SORCS1: variants seen among roughly 807,000 people sequenced by gnomAD.
SORCS1 encodes VPS10 domain-containing receptor SorCS1.
SORCS1 carries 60 observed loss-of-function variants against 146.1 expected under a neutral mutation model. The observed-to-expected ratio is 0.41, with a 90% CI of 0.33 to 0.51. The LOEUF is 0.51. SORCS1 is among the 20% of genes least tolerant of loss of function. The probability of loss-of-function intolerance (pLI) is 0.21; values close to 1 mark genes in which losing one functional copy is unlikely to be tolerated. For synonymous variants in SORCS1, 637 were observed against 584.0 expected (o/e 1.09, Z -1.31); for missense variants, 1,352 against 1,487.6 (o/e 0.91, Z 1.50).
intron 4 of SORCS1, among the ~76,000 whole-genome samples, chr10:106,762,780 A>G (rs746187932): frequency 2.6e-5 from 4 of 152,024 alleles, no homozygotes; most frequent in Non-Finnish European, 5.9e-5. Context: ...ATGAGTGCCA[A>G]GGAGAGATGG....
chr10:106,672,346 A>G (rs956161296), intron 15 of SORCS1, among the ~76,000 whole-genome samples: 8 of 152,172 alleles, frequency 5.3e-5, no homozygotes, highest in African/African-American at 1.9e-4. Context: ...GGACAAATGA[A>G]AGTTTCCTAT....
intron 2 of SORCS1, among the ~76,000 whole-genome samples, chr10:106,866,772 A>G (rs1056010423): frequency 6.6e-6 from 1 of 152,246 alleles, no homozygotes. Flanking sequence ...CCCACTTGCT[A>G]AAAGAAGTCA....
chr10:106,792,079 G>T (rs1294370164), intron 3 of SORCS1, among the ~76,000 whole-genome samples: 1 of 152,038 alleles, frequency 6.6e-6, no homozygotes, highest in Non-Finnish European at 1.5e-5. Context: ...CTGTTTATAA[G>T]TCTGCTTATG....
chr10:106,919,549 C>G (rs1482670411), intron 2 of SORCS1, among the ~76,000 whole-genome samples: 3 of 152,108 alleles, frequency 2.0e-5, no homozygotes, highest in Admixed American at 2.0e-4. Context: ...TGGCTGGATT[C>G]TGATAGGTGT....
intron 2 of SORCS1, among the ~76,000 whole-genome samples, chr10:106,882,326 A>T (rs7098857): frequency 0.53 from 79,872 of 151,866 alleles, 22,401 homozygotes; most frequent in African/African-American, 0.74. Flanking sequence ...GAAAGTTTAT[A>T]GATTTGTGTT....
At chr10:106,698,654 G>A (rs1209483787) in intron 9 of SORCS1, among the ~76,000 whole-genome samples, 1 of 152,184 alleles carries the variant, frequency 6.6e-6, no homozygotes, top group African/African-American at 2.4e-5. Context: ...TCTTGATGTT[G>A]TAGTTGTTTA....
At chr10:106,824,247 T>G (rs887989754) in intron 3 of SORCS1, among the ~76,000 whole-genome samples, 3 of 150,372 alleles carry the variant, frequency 2.0e-5, no homozygotes, top group Non-Finnish European at 3.0e-5. Context: ...GAGGTTGCGG[T>G]TGTGCCACTG....
At chr10:106,716,743 G>C (rs144395308) in intron 6 of SORCS1, among the ~76,000 whole-genome samples, 68 of 152,268 alleles carry the variant, frequency 4.5e-4, no homozygotes, top group African/African-American at 1.6e-3. Flanking sequence ...ATTGATAACA[G>C]CAGCAGCAGC....
At chr10:106,668,229 T>C (rs1035223760) in intron 16 of SORCS1, among the ~76,000 whole-genome samples, 21 of 152,328 alleles carry the variant, frequency 1.4e-4, no homozygotes, top group African/African-American at 5.1e-4. Flanking sequence ...GTGATGTCTT[T>C]GGGATGCTCT....
At chr10:106,620,322 A>C (rs1184599087) in intron 20 of SORCS1, 106 bp downstream of exon 20, 3 of 1,419,484 alleles carry the variant, frequency 2.1e-6, no homozygotes, top group Non-Finnish European at 2.8e-6. Flanking sequence ...TGAAGCTACA[A>C]CTGCTTCTAC....
chr10:106,948,961 C>CAAA (rs564056151), intron 2 of SORCS1, among the ~76,000 whole-genome samples: 3 of 136,304 alleles, frequency 2.2e-5, no homozygotes, highest in African/African-American at 8.0e-5. Context: ...ACTCTGTATC[C>CAAA]AAAAAAAAAA....
At chr10:106,816,664 T>C (rs1947755538) in intron 3 of SORCS1, among the ~76,000 whole-genome samples, 1 of 152,200 alleles carries the variant, frequency 6.6e-6, no homozygotes, top group South Asian at 2.1e-4. Flanking sequence ...GTCATTTAAT[T>C]GAAAATGATT....
intron 1 of SORCS1, among the ~76,000 whole-genome samples, chr10:106,966,274 C>T (rs1955491533): frequency 6.7e-6 from 1 of 149,908 alleles, no homozygotes; most frequent in African/African-American, 2.5e-5. Context: ...TGCACGCACA[C>T]ACCACACACA....
Position 106,845,081 on chromosome 10 carries a change from C to T in SORCS1, c.627-15408G>A, listed in dbSNP as rs375484625. Among the ~76,000 whole-genome samples the T allele has an allele frequency of 7.0e-5, 8 of 113,664 alleles. 1 individual carries two copies. Among genetic ancestry groups the T allele is most frequent in the Non-Finnish European group, 1.4e-4 (7 of 51,584 alleles). 74.6% of individuals were successfully genotyped at this position (113,664 alleles called of 152,430 possible). ...CTTTATAGCAGCATGATTTATAGTC[C>T]TTTGGGTATATACCCAGTAATGGGA... On this transcript the variant is annotated intron_variant, in intron 2 of 25. Transcript: ENST00000263054.
intron 2 of SORCS1, among the ~76,000 whole-genome samples, chr10:106,861,442 C>G: frequency 6.7e-6 from 1 of 150,172 alleles, no homozygotes; most frequent in Non-Finnish European, 1.5e-5. Flanking sequence ...AAATAAAATA[C>G]TTACCAAATG....
At chr10:107,045,133 T>C (rs552296457) in intron 1 of SORCS1, among the ~76,000 whole-genome samples, 1 of 152,338 alleles carries the variant, frequency 6.6e-6, no homozygotes, top group Non-Finnish European at 1.5e-5. Context: ...CTGGACTTTA[T>C]TCTGCAATGG....
intron 19 of SORCS1, among the ~76,000 whole-genome samples, chr10:106,625,351 A>C (rs974236270): frequency 1.3e-5 from 2 of 152,160 alleles, no homozygotes; most frequent in Non-Finnish European, 2.9e-5. Context: ...AATGTTTAAA[A>C]AAGCTACTAG....
intron 2 of SORCS1, among the ~76,000 whole-genome samples, chr10:106,949,091 C>T (rs191083300): frequency 4.6e-5 from 7 of 152,308 alleles, no homozygotes; most frequent in African/African-American, 1.2e-4. Flanking sequence ...AGAACACCTC[C>T]GGATCCTGCC....
intron 5 of SORCS1, among the ~76,000 whole-genome samples, chr10:106,735,115 C>A: frequency 7.0e-6 from 1 of 142,580 alleles, no homozygotes. Flanking sequence ...CAGTGCACTC[C>A]AGGCTGGGCG....
Sources: gnomAD v4.1 joint callset for allele counts (sites outside exome capture counted in the v4.1 genomes callset) on GRCh38, gnomAD v4.1.1 for gene constraint, MANE v1.5 for transcripts, NCBI Gene and HGNC (gene_info 2026-07-23, HGNC 2026-07-21) for gene names.